Variants in PCDHA13 observed in about 807,000 individuals in gnomAD.
PCDHA13 encodes the protein protocadherin alpha-13.
A neutral mutation model predicts 64.8 loss-of-function variants in PCDHA13; 54 were observed. The observed-to-expected ratio is 0.83, with a 90% CI of 0.67 to 1.04. The LOEUF is 1.04. Ranked by LOEUF, PCDHA13 falls within the 50% of genes least tolerant of loss-of-function variation. The pLI is 0.00. For missense variants in PCDHA13, 1,248 were observed against 1,254.3 expected, an observed-to-expected ratio of 0.99 and a Z score of 0.08; for synonymous variants, 587 against 564.4, an observed-to-expected ratio of 1.04 and a Z score of -0.57.
At chr5:140,934,171 A>C (rs965826085) in intron 1 of PCDHA13, among the ~76,000 whole-genome samples, 11 of 152,160 alleles carry the variant, frequency 7.2e-5, no homozygotes, top group African/African-American at 2.7e-4. Context: ...GTGCAACAGA[A>C]GTACTCTAAA....
At chr5:140,952,449 G>C (rs549255236) in intron 1 of PCDHA13, among the ~76,000 whole-genome samples, 1 of 152,242 alleles carries the variant, frequency 6.6e-6, no homozygotes. Context: ...AATACAGCCA[G>C]GCTCTTTGCT....
At chr5:140,928,434 CTT>C (rs1554205890) in intron 1 of PCDHA13, 1 of 1,614,172 alleles carries the variant, frequency 6.2e-7, no homozygotes, top group South Asian at 1.1e-5. Flanking sequence ...CTTCCTTTGA[CTT>C]TGAGCAGCTC....
At chr5:141,006,007 T>C (rs1554260471) in intron 3 of PCDHA13, among the ~76,000 whole-genome samples, 1 of 151,298 alleles carries the variant, frequency 6.6e-6, no homozygotes, top group African/African-American at 2.4e-5. Flanking sequence ...AGAAGGCCTG[T>C]ATGGTTGGAG....
chr5:140,966,727 C>T (rs1330950109), intron 1 of PCDHA13: 4 of 1,405,404 alleles, frequency 2.8e-6, no homozygotes, highest in East Asian at 2.8e-5. Context: ...AAGCTGCCGC[C>T]TCCGGCCCTG....
intron 1 of PCDHA13, among the ~76,000 whole-genome samples, chr5:140,954,013 C>T (rs942687934): frequency 6.6e-6 from 1 of 152,172 alleles, no homozygotes; most frequent in African/African-American, 2.4e-5. Context: ...TCAGCTCCCA[C>T]ACATAGTGGG....
intron 1 of PCDHA13, among the ~76,000 whole-genome samples, chr5:140,942,273 G>C (rs1360564646): frequency 6.6e-6 from 1 of 152,132 alleles, no homozygotes; most frequent in South Asian, 2.1e-4. Context: ...AGCTGGTAAT[G>C]GTGGCTCATG....
Position 140,967,255 on chromosome 5 carries a change from T to C in PCDHA13, c.2395-11694T>C, listed in dbSNP as rs202164321. ...TTCAGGTAAGCGAATCGGTGGCGCC[T>C]GGAGCGCGCTTTCACATAGAGAGTG... On this transcript the variant is annotated intron_variant, in intron 1 of 3. Coordinates refer to ENST00000289272, the MANE Select transcript of PCDHA13 (RefSeq NM_018904.3). The C allele has an allele frequency of 1.8e-4, 297 of 1,613,460 alleles. 1 individual carries two copies. The East Asian group carries it at 6.5e-3, about 35-fold the overall frequency.
At position 140,928,541 on chromosome 5, in the gene PCDHA13, A is replaced by G. The variant is rs149868042; in HGVS notation, c.2394+43879A>G. On this transcript the variant is annotated intron_variant, in intron 1 of 3. Transcript: ENST00000289272. ...AACTTGTTTGTGGTAGATAGGAATG[A>G]CAATTATCCGGTTATCTTGTTTCCC... 2 of 1,614,192 alleles carry G rather than the reference A, an allele frequency of 1.2e-6. No homozygotes were observed. Among genetic ancestry groups the G allele is most frequent in the African/African-American group, 1.3e-5 (1 of 75,044 alleles).
At chr5:140,885,736 C>T (rs1457106867) in intron 1 of PCDHA13, among the ~76,000 whole-genome samples, 1 of 152,060 alleles carries the variant, frequency 6.6e-6, no homozygotes, top group African/African-American at 2.4e-5. Context: ...AATGATATTT[C>T]ACTGTTACTT....
chr5:140,932,199 A>C (rs1314795858), intron 1 of PCDHA13, among the ~76,000 whole-genome samples: 2 of 151,894 alleles, frequency 1.3e-5, no homozygotes, highest in African/African-American at 4.8e-5. Context: ...TTTTTCTGTT[A>C]ATATTCTTGA....
chr5:140,946,763 C>T (rs1453017337), intron 1 of PCDHA13, among the ~76,000 whole-genome samples: 1 of 151,160 alleles, frequency 6.6e-6, no homozygotes, highest in Non-Finnish European at 1.5e-5. Context: ...TGATCTCATT[C>T]ATGTGGAATG....
At chr5:140,890,634 T>A (rs986470825) in intron 1 of PCDHA13, among the ~76,000 whole-genome samples, 3 of 152,204 alleles carry the variant, frequency 2.0e-5, no homozygotes, top group African/African-American at 7.2e-5. Context: ...TAAGCATGTA[T>A]CCTTGATATA....
intron 3 of PCDHA13, among the ~76,000 whole-genome samples, chr5:140,994,479 G>A (rs1229761223): frequency 1.3e-5 from 2 of 152,094 alleles, no homozygotes; most frequent in African/African-American, 4.8e-5. Context: ...GAGGCGGGTG[G>A]ATTGCCTGAA....
At chr5:140,983,392 C>T (rs1190599444) in intron 3 of PCDHA13, among the ~76,000 whole-genome samples, 2 of 152,150 alleles carry the variant, frequency 1.3e-5, no homozygotes, top group African/African-American at 2.4e-5. Context: ...TGGCAGTTTT[C>T]AGAAAGGGAA....
intron 1 of PCDHA13, among the ~76,000 whole-genome samples, chr5:140,922,915 A>G (rs1184691604): frequency 6.6e-6 from 1 of 152,224 alleles, no homozygotes; most frequent in Non-Finnish European, 1.5e-5. Context: ...ATACAAATAA[A>G]CTTCAGACTT....
At chr5:140,965,352 T>C (rs1474672624) in intron 1 of PCDHA13, among the ~76,000 whole-genome samples, 1 of 152,166 alleles carries the variant, frequency 6.6e-6, no homozygotes, top group Admixed American at 6.5e-5. Context: ...GTTGCCTCTA[T>C]AGCAGTACAA....
Position 140,982,372 on chromosome 5 carries a change from C to G in PCDHA13, c.2454-103C>G, listed in dbSNP as rs1479669249. 1.9e-6 allele frequency: 3 copies of G among 1,554,840 alleles called. No homozygotes were observed. In the East Asian group the frequency reaches 7.0e-5, roughly 36 times the overall value. ...TTCAAGCATGAGCAGAATGTGTTAG[C>G]TGCAGCCCTGGCTTCATAGTTGTAA... On this transcript the variant is annotated intron_variant, in intron 2 of 3. Coordinates refer to ENST00000289272, the MANE Select transcript of PCDHA13 (RefSeq NM_018904.3).
chr5:140,941,214 C>CCTTTCTTT lies in PCDHA13; in HGVS notation c.2395-37700_2395-37693dup, dbSNP rs60032403. On this transcript the variant is annotated intron_variant, in intron 1 of 3. Coordinates refer to ENST00000289272, the MANE Select transcript of PCDHA13 (RefSeq NM_018904.3). ...TTTTTTCTTTCTTCCTTTCTTTCTTCCTTTCTTTCTTTCTTTCTTTCTTTC... is the reference window on the plus strand; with the variant it reads ...TTTTTTCTTTCTTCCTTTCTTTCTTCCTTTCTTTCTTTCTTTCTTTCTTTCTTTCTTTC... Among the ~76,000 whole-genome samples, 464 of 122,456 alleles carry CCTTTCTTT rather than the reference C, an allele frequency of 3.8e-3. 7 individuals are homozygous for CCTTTCTTT. The highest frequency in any genetic ancestry group is 0.025 in the Middle Eastern group (6 of 238). 80.3% of individuals were successfully genotyped at this position (122,456 alleles called of 152,430 possible).
intron 1 of PCDHA13, among the ~76,000 whole-genome samples, chr5:140,942,138 T>C (rs1269073266): frequency 1.3e-5 from 2 of 152,240 alleles, no homozygotes; most frequent in African/African-American, 4.8e-5. Flanking sequence ...TTTGTGGCTT[T>C]ACTTGACATA....
Sources: allele counts gnomAD v4.1 joint callset (sites outside exome capture counted in the v4.1 genomes callset), GRCh38; gene constraint gnomAD v4.1.1; transcripts MANE v1.5; gene names NCBI Gene and HGNC (gene_info 2026-07-23, HGNC 2026-07-21).